Variants in COL23A1 observed in about 807,000 individuals in gnomAD.
The protein encoded by COL23A1 is collagen type XXIII alpha 1 chain, also known as collagen alpha-1(XXIII) chain.
Under a neutral mutation model 99.3 loss-of-function variants are expected in COL23A1, and 97 were observed. The ratio of observed to expected loss-of-function variants is 0.98; its 90% confidence interval spans 0.83 to 1.16. The LOEUF is 1.16. Ranked by LOEUF, COL23A1 falls within the 50% of genes most tolerant of loss-of-function variation. The pLI is 0.00. For missense variants in COL23A1, 762 were observed against 757.4 expected, an observed-to-expected ratio of 1.01 and a Z score of -0.07; for synonymous variants, 320 against 308.2, an observed-to-expected ratio of 1.04 and a Z score of -0.40.
intron 2 of COL23A1, among the ~76,000 whole-genome samples, chr5:178,343,671 T>A (rs1221517787): frequency 6.7e-6 from 1 of 149,744 alleles, no homozygotes; most frequent in Non-Finnish European, 1.5e-5. Flanking sequence ...ATATTTTTTT[T>A]TTTTTTTGGA....
In COL23A1 at chr5:178,407,419, C is replaced by T. The variant is rs148270505; in HGVS notation, c.362-100500G>A. Among the ~76,000 whole-genome samples the T allele has an allele frequency of 4.8e-3, 728 of 152,266 alleles. 10 individuals carry two copies. The highest frequency in any genetic ancestry group is 0.017 in the African/African-American group (698 of 41,538). On this transcript the variant is annotated intron_variant, in intron 2 of 28. Transcript: ENST00000390654. ...CTCATAGCACAATACACAAAATGTC[C>T]AGGGTTTAATAAAAGATCATGCATC...
rs1766101398 is a variant in COL23A1, at chr5:178,428,977, T to C, written c.362-122058A>G. On this transcript the variant is annotated intron_variant, in intron 2 of 28. Coordinates refer to ENST00000390654, the MANE Select transcript of COL23A1 (RefSeq NM_173465.4). This position sits in a 1 kb window ranked among gnomAD's most constrained non-coding sequence, Gnocchi z 5.0. ...GTCCTGAGACCCTACCACACCCCAG[T>C]GCTGCCCAGGCCCAGCACCCGGGGT... Among the ~76,000 whole-genome samples the C allele has an allele frequency of 6.6e-6, 1 of 152,028 alleles. No individual in the cohort carries two copies. Among genetic ancestry groups the C allele is most frequent in the Admixed American group, 6.5e-5 (1 of 15,280 alleles).
At chr5:178,320,490 T>C (rs2127625758) in intron 2 of COL23A1, among the ~76,000 whole-genome samples, 1 of 152,268 alleles carries the variant, frequency 6.6e-6, no homozygotes, top group East Asian at 1.9e-4. Flanking sequence ...GCCTGGCCCC[T>C]CAGCTGCCCA....
intron 2 of COL23A1, among the ~76,000 whole-genome samples, chr5:178,420,611 C>A (rs1455019508): frequency 3.4e-5 from 1 of 29,606 alleles, no homozygotes; most frequent in Non-Finnish European, 7.6e-5. Flanking sequence ...CCCTTCCCCC[C>A]CTTTCCTCCT....
rs559884248 is a variant in COL23A1 at position 178,262,099 on chromosome 5, C to T, written c.675+118G>A. On this transcript the variant is annotated intron_variant, in intron 10 of 28. Coordinates refer to ENST00000390654, the MANE Select transcript of COL23A1 (RefSeq NM_173465.4). ...GCAGACACGTACATGCAGAGGCGCGCGCACACACATAAACATGTGCGCGTG... is the reference window on the plus strand; with the variant it reads ...GCAGACACGTACATGCAGAGGCGCGTGCACACACATAAACATGTGCGCGTG... 1.3e-3 allele frequency: 1,472 copies of T among 1,101,066 alleles called. 16 individuals are homozygous for T. In the African/African-American group the frequency reaches 0.02, roughly 15 times the overall value. 68.2% of individuals were successfully genotyped at this position (1,101,066 alleles called of 1,614,324 possible).
rs113207807 is a variant in COL23A1 at position 178,384,924 on chromosome 5, C to G, written c.362-78005G>C. ...GAGGTCAAATGGGTGGCGAGGCTCC[C>G]GCTCCTTCCCTGTGCCCAGCCTCCC... On this transcript the variant is annotated intron_variant, in intron 2 of 28. Transcript: ENST00000390654. The surrounding 1 kb of genome is among the most constrained non-coding windows in gnomAD (Gnocchi z 5.5). 2.0e-5 allele frequency among the ~76,000 whole-genome samples: 3 copies of G among 150,356 alleles called. No homozygotes were observed. The highest frequency in any genetic ancestry group is 7.3e-5 in the African/African-American group (3 of 40,844).
chr5:178,490,463 G>A (rs578189570), intron 2 of COL23A1, among the ~76,000 whole-genome samples: 4 of 152,256 alleles, frequency 2.6e-5, no homozygotes, highest in East Asian at 3.9e-4. Flanking sequence ...GGGAAGTTGC[G>A]TTTAATGGGT....
chr5:178,308,871 G>A lies in COL23A1; in HGVS notation c.362-1952C>T, dbSNP rs781653292. 7.2e-5 allele frequency among the ~76,000 whole-genome samples: 11 copies of A among 152,140 alleles called. No individual in the cohort carries two copies. The highest frequency in any genetic ancestry group is 1.9e-4 in the East Asian group (1 of 5,180). On this transcript the variant is annotated intron_variant, in intron 2 of 28. Transcript: ENST00000390654. This position sits in a 1 kb window ranked among gnomAD's most constrained non-coding sequence, Gnocchi z 5.1. ...CTCTGGGCCTGTTTTCAATGAGAGC[G>A]AGGTACGGGAACGGGAGCCCCCCGG...
intron 3 of COL23A1, among the ~76,000 whole-genome samples, chr5:178,290,908 G>A (rs1657420357): frequency 6.6e-6 from 1 of 152,180 alleles, no homozygotes; most frequent in East Asian, 1.9e-4. Flanking sequence ...TACCAGATGA[G>A]GGCTCACAGA....
chr5:178,469,232 T>A (rs1488366606), intron 2 of COL23A1, among the ~76,000 whole-genome samples: 2 of 152,128 alleles, frequency 1.3e-5, no homozygotes, highest in Admixed American at 1.3e-4. Flanking sequence ...CCTGTCTGGG[T>A]CTCCGTGTTC....
chr5:178,241,349 G>A (rs1407416692), intron 27 of COL23A1, among the ~76,000 whole-genome samples: 1 of 152,128 alleles, frequency 6.6e-6, no homozygotes, highest in African/African-American at 2.4e-5. Flanking sequence ...GAAGGGTGTG[G>A]GGGTAGGCAG....
At chr5:178,474,531 A>T (rs1021870158) in intron 2 of COL23A1, among the ~76,000 whole-genome samples, 2 of 152,260 alleles carry the variant, frequency 1.3e-5, no homozygotes, top group Non-Finnish European at 2.9e-5. Flanking sequence ...TGTCAAAAAA[A>T]AAAATTTGTA....
At chr5:178,405,133 G>A (rs1315874784) in intron 2 of COL23A1, among the ~76,000 whole-genome samples, 2 of 152,212 alleles carry the variant, frequency 1.3e-5, no homozygotes, top group African/African-American at 2.4e-5. Flanking sequence ...AACACTGGCA[G>A]CCCAAGGGCC....
chr5:178,311,942 G>T (rs1758716246), intron 2 of COL23A1, among the ~76,000 whole-genome samples: 1 of 151,954 alleles, frequency 6.6e-6, no homozygotes, highest in African/African-American at 2.4e-5. Context: ...TGTTGGCCAG[G>T]CTGGTCTCGA....
At chr5:178,358,021 T>TGTGTATGCGTAC (rs1457899846) in intron 2 of COL23A1, among the ~76,000 whole-genome samples, 1 of 31,804 alleles carries the variant, frequency 3.1e-5, no homozygotes, top group Admixed American at 2.8e-4. Flanking sequence ...TGTGTATGTG[T>TGTGTATGCGTAC]GTGTATGCGT....
intron 2 of COL23A1, among the ~76,000 whole-genome samples, chr5:178,447,861 TG>T (rs1301539569): frequency 6.6e-6 from 1 of 152,120 alleles, no homozygotes; most frequent in East Asian, 1.9e-4. Context: ...CTTTGGAATG[TG>T]GGGGTTGGCA....
chr5:178,302,566 G>A (rs920125980), intron 3 of COL23A1, among the ~76,000 whole-genome samples: 1 of 152,224 alleles, frequency 6.6e-6, no homozygotes, highest in Non-Finnish European at 1.5e-5. Flanking sequence ...ACAATCTCAA[G>A]GTCAGCCAGA....
In COL23A1 at chr5:178,326,113, C is replaced by T. The variant is rs903583591; in HGVS notation, c.362-19194G>A. Among the ~76,000 whole-genome samples the T allele has an allele frequency of 3.3e-5, 5 of 152,090 alleles. No homozygotes were observed. In the South Asian group the frequency reaches 6.2e-4, roughly 19 times the overall value. On this transcript the variant is annotated intron_variant, in intron 2 of 28. Coordinates refer to ENST00000390654, the MANE Select transcript of COL23A1 (RefSeq NM_173465.4). ...ATTTTTTTTCCCAAGGATTTATGAG[C>T]GGGGGAGTATTCTCATTGACCTCCA...
intron 2 of COL23A1, among the ~76,000 whole-genome samples, chr5:178,311,150 C>T (rs1758649141): frequency 6.6e-6 from 1 of 152,180 alleles, no homozygotes; most frequent in Admixed American, 6.5e-5. Flanking sequence ...CCGTGGGTGC[C>T]ACCACAGTGG....
Sources: allele counts gnomAD v4.1 joint callset (sites outside exome capture counted in the v4.1 genomes callset), GRCh38; gene constraint gnomAD v4.1.1; non-coding constraint Gnocchi (gnomAD v3.1); transcripts MANE v1.5; gene names NCBI Gene and HGNC (gene_info 2026-07-23, HGNC 2026-07-21).